The following GRID2 variants were observed in gnomAD, a reference collection of about 807,000 sequenced individuals.
GRID2 encodes the protein glutamate ionotropic receptor delta type subunit 2.
In GRID2, 33 loss-of-function variants were observed where a neutral mutation model predicts 114.8. That is an observed-to-expected ratio of 0.29 (90% CI 0.22 to 0.38). GRID2 has a LOEUF of 0.38. Ranked by LOEUF, GRID2 falls within the 10% of genes least tolerant of loss-of-function variation. GRID2 has a pLI of 1.00. For synonymous variants in GRID2, 505 were observed against 449.9 expected, an observed-to-expected ratio of 1.12 and a Z score of -1.55; for missense variants, 1,184 against 1,257.7, an observed-to-expected ratio of 0.94 and a Z score of 0.89.
intron 2 of GRID2, among the ~76,000 whole-genome samples, chr4:92,974,643 A>G (rs1482905206): frequency 1.3e-5 from 2 of 151,778 alleles, no homozygotes; most frequent in Non-Finnish European, 2.9e-5. Context: ...ATGAGAACAC[A>G]TGGACACAGG....
chr4:92,914,248 A>G (rs1004788595), intron 2 of GRID2, among the ~76,000 whole-genome samples: 13 of 152,120 alleles, frequency 8.5e-5, no homozygotes, highest in African/African-American at 3.1e-4. Context: ...TTGTGCATGG[A>G]CATTTTTACT....
intron 4 of GRID2, among the ~76,000 whole-genome samples, chr4:93,158,685 G>A (rs1464195975): frequency 6.6e-6 from 1 of 151,820 alleles, no homozygotes; most frequent in East Asian, 1.9e-4. Context: ...AAGAGCTCTG[G>A]AGTTCGAGTT....
At chr4:92,544,693 A>T (rs567883438) in intron 1 of GRID2, among the ~76,000 whole-genome samples, 9 of 152,228 alleles carry the variant, frequency 5.9e-5, no homozygotes, top group Admixed American at 2.6e-4. Context: ...AGGTCACATA[A>T]CTCACTGACA....
intron 8 of GRID2, among the ~76,000 whole-genome samples, chr4:93,287,478 A>C (rs947407861): frequency 2.0e-5 from 3 of 152,192 alleles, no homozygotes; most frequent in Admixed American, 1.3e-4. Context: ...ACACTCTGTT[A>C]TTATTATCAT....
chr4:92,453,555 T>C (rs1406184680), intron 1 of GRID2, among the ~76,000 whole-genome samples: 3 of 152,210 alleles, frequency 2.0e-5, no homozygotes, highest in Non-Finnish European at 4.4e-5. Flanking sequence ...ATATTCGTTG[T>C]GTTACTCTTA....
At position 93,201,937 on chromosome 4, in the gene GRID2, T is replaced by C. The variant is rs78288965; in HGVS notation, c.736-5467T>C. On this transcript the variant is annotated intron_variant, in intron 4 of 15. Coordinates refer to ENST00000282020, the MANE Select transcript of GRID2 (RefSeq NM_001510.4). ...GGACTTGATTTTTTTTTTTCCTTTT[T>C]TGCTCAATTCCCTTATAGTAAGCTC... is the stretch of plus-strand genomic sequence containing the variant. Among the ~76,000 whole-genome samples the C allele has an allele frequency of 1.5e-3, 232 of 152,290 alleles. 3 individuals are homozygous for C. In the East Asian group the frequency reaches 0.041, roughly 27 times the overall value.
At chr4:92,418,722 C>G (rs1731744432) in intron 1 of GRID2, among the ~76,000 whole-genome samples, 1 of 151,980 alleles carries the variant, frequency 6.6e-6, no homozygotes, top group African/African-American at 2.4e-5. Flanking sequence ...TGGGTCTCCT[C>G]CTTCCACACC....
chr4:92,828,652 C>A (rs1262010422), intron 2 of GRID2, among the ~76,000 whole-genome samples: 1 of 152,050 alleles, frequency 6.6e-6, no homozygotes, highest in Non-Finnish European at 1.5e-5. Context: ...TTCCTCACCC[C>A]AATTAACTCA....
At chr4:93,467,966 T>C (rs868568139) in intron 11 of GRID2, among the ~76,000 whole-genome samples, 6 of 152,222 alleles carry the variant, frequency 3.9e-5, no homozygotes, top group African/African-American at 4.8e-5. Flanking sequence ...CTTTGTTACC[T>C]TTCCAGAAGA....
intron 2 of GRID2, among the ~76,000 whole-genome samples, chr4:93,066,705 G>T (rs1018387465): frequency 6.6e-6 from 1 of 151,860 alleles, no homozygotes; most frequent in African/African-American, 2.4e-5. Flanking sequence ...CTAAGCATAT[G>T]ATTTTTTTTC....
At chr4:93,590,093 A>C (rs535815407) in intron 13 of GRID2, among the ~76,000 whole-genome samples, 1 of 149,572 alleles carries the variant, frequency 6.7e-6, no homozygotes, top group African/African-American at 2.4e-5. Flanking sequence ...TTTTGTTGTC[A>C]TTGCTTTTGG....
At chr4:93,115,398 T>TATAGACACACACACACACACAC (rs1217656948) in intron 4 of GRID2, among the ~76,000 whole-genome samples, 2 of 63,502 alleles carry the variant, frequency 3.1e-5, no homozygotes, top group African/African-American at 1.1e-4. Flanking sequence ...TCCAAGTATA[T>TATAGACACACACACACACACAC]ACAGACACAC....
chr4:93,660,201 T>C (rs1240337369), intron 14 of GRID2, among the ~76,000 whole-genome samples: 1 of 152,184 alleles, frequency 6.6e-6, no homozygotes, highest in Non-Finnish European at 1.5e-5. Context: ...AGTGTTTTAA[T>C]GTCAGTTAAA....
At chr4:93,761,913 C>A (rs955137710) in intron 14 of GRID2, among the ~76,000 whole-genome samples, 1 of 152,068 alleles carries the variant, frequency 6.6e-6, no homozygotes, top group Non-Finnish European at 1.5e-5. Flanking sequence ...CTCTGATATG[C>A]AAATTGTAAT....
At chr4:93,271,885 T>C (rs569143310) in intron 8 of GRID2, among the ~76,000 whole-genome samples, 58 of 152,222 alleles carry the variant, frequency 3.8e-4, no homozygotes, top group Non-Finnish European at 6.9e-4. Flanking sequence ...TTTATGTCTT[T>C]GTAGCATTTT....
At position 92,732,002 on chromosome 4, in the gene GRID2, C is replaced by T. The variant is rs151136854; in HGVS notation, c.244+141716C>T. ...ATTCTTAGGGTATGTAGTCTTATCA[C>T]TGTTAATAAGAAAAGAAAAATTATT... is the stretch of plus-strand genomic sequence containing the variant. On this transcript the variant is annotated intron_variant, in intron 2 of 15. Transcript: ENST00000282020. Among the ~76,000 whole-genome samples the T allele has an allele frequency of 4.0e-5, 6 of 151,784 alleles. No individual in the cohort carries two copies. The East Asian group carries it at 9.7e-4, about 25-fold the overall frequency.
intron 2 of GRID2, among the ~76,000 whole-genome samples, chr4:92,762,580 A>C (rs1163076190): frequency 6.6e-6 from 1 of 152,170 alleles, no homozygotes; most frequent in Non-Finnish European, 1.5e-5. Flanking sequence ...CTTCAGAAGG[A>C]ATGAAATATG....
At chr4:92,794,696 A>G (rs1351307104) in intron 2 of GRID2, among the ~76,000 whole-genome samples, 4 of 151,420 alleles carry the variant, frequency 2.6e-5, no homozygotes, top group African/African-American at 9.7e-5. Context: ...AGAGATATCC[A>G]AATTCTGATA....
At chr4:92,901,736 T>C (rs1272879945) in intron 2 of GRID2, among the ~76,000 whole-genome samples, 10 of 152,124 alleles carry the variant, frequency 6.6e-5, no homozygotes. Flanking sequence ...GTATTTTATT[T>C]TATTTTATGA....
Sources: allele counts gnomAD v4.1 joint callset (sites outside exome capture counted in the v4.1 genomes callset), GRCh38; gene constraint gnomAD v4.1.1; transcripts MANE v1.5; gene names NCBI Gene and HGNC (gene_info 2026-07-23, HGNC 2026-07-21).